Variants in WASF3 observed in about 807,000 individuals in gnomAD.
WASF3 encodes the protein WASP family member 3, also known as actin-binding protein WASF3.
WASF3 carries 11 observed loss-of-function variants against 46.6 expected under a neutral mutation model. That is an observed-to-expected ratio of 0.24 (90% confidence interval 0.15 to 0.39). WASF3 has a LOEUF of 0.39. WASF3 is among the 10% of genes least tolerant of loss of function. WASF3 has a pLI of 1.00. For synonymous variants in WASF3, 242 were observed against 259.7 expected, an observed-to-expected ratio of 0.93 and a Z score of 0.65; for missense variants, 576 against 669.8, an observed-to-expected ratio of 0.86 and a Z score of 1.55.
chr13:26,594,703 C>G (rs755802465), intron 1 of WASF3, among the ~76,000 whole-genome samples: 9 of 152,146 alleles, frequency 5.9e-5, no homozygotes, highest in Non-Finnish European at 1.2e-4. Flanking sequence ...CTTGTAGATC[C>G]TCCTTATTTA....
chr13:26,553,809 T>TC (rs1879020953), upstream of WASF3, among the ~76,000 whole-genome samples: 1 of 128,316 alleles, frequency 7.8e-6, no homozygotes, highest in Admixed American at 7.6e-5. Context: ...AGAGCGAGAC[T>TC]CCATCTCAAA....
chr13:26,650,258 C>T (rs1264663379), intron 3 of WASF3, among the ~76,000 whole-genome samples: 2 of 152,122 alleles, frequency 1.3e-5, no homozygotes, highest in East Asian at 3.9e-4. Flanking sequence ...CCCAGGGCCC[C>T]AGGCTCACTA....
At chr13:26,668,472 C>T (rs1255311684) in intron 5 of WASF3, among the ~76,000 whole-genome samples, 6 of 152,224 alleles carry the variant, frequency 3.9e-5, no homozygotes, top group Admixed American at 3.3e-4. Flanking sequence ...CTCACAGCCC[C>T]GGGCCAGCTC....
At chr13:26,677,654 G>A (rs902073292) in intron 7 of WASF3, among the ~76,000 whole-genome samples, 1 of 152,136 alleles carries the variant, frequency 6.6e-6, no homozygotes, top group Non-Finnish European at 1.5e-5. Flanking sequence ...GCAAGTTCTG[G>A]TAATTTTTCT....
At chr13:26,589,718 A>G (rs2137181336) in intron 1 of WASF3, among the ~76,000 whole-genome samples, 1 of 152,358 alleles carries the variant, frequency 6.6e-6, no homozygotes, top group Non-Finnish European at 1.5e-5. Flanking sequence ...AATAAAATAA[A>G]AGATAATGCT....
intron 1 of WASF3, among the ~76,000 whole-genome samples, chr13:26,589,293 C>G (rs915775549): frequency 6.6e-6 from 1 of 152,142 alleles, no homozygotes; most frequent in Admixed American, 6.5e-5. Flanking sequence ...AAAAATGGTT[C>G]CTCTCAGAAC....
chr13:26,544,861 G>A, the WASF3 span, among the ~76,000 whole-genome samples: 3 of 152,358 alleles, frequency 2.0e-5, no homozygotes, highest in Non-Finnish European at 2.9e-5. Context: ...AAAGCTACAC[G>A]TGCTCTGCCT....
the WASF3 span, among the ~76,000 whole-genome samples, chr13:26,545,616 T>G: frequency 6.6e-6 from 1 of 152,194 alleles, no homozygotes; most frequent in Non-Finnish European, 1.5e-5. Context: ...ATGTATTTAA[T>G]TTTTTTAGAG....
intron 3 of WASF3, among the ~76,000 whole-genome samples, chr13:26,653,574 G>A (rs888385630): frequency 6.6e-6 from 1 of 152,240 alleles, no homozygotes; most frequent in African/African-American, 2.4e-5. Flanking sequence ...ACAGATAACT[G>A]TCTCCTCTGG....
At chr13:26,667,231 T>G (rs899731200) in intron 4 of WASF3, among the ~76,000 whole-genome samples, 1 of 152,172 alleles carries the variant, frequency 6.6e-6, no homozygotes, top group Non-Finnish European at 1.5e-5. Flanking sequence ...CCTATGTGAT[T>G]TCTGAGAAAT....
chr13:26,645,076 C>T (rs686457), intron 3 of WASF3, among the ~76,000 whole-genome samples: 128,296 of 152,162 alleles, frequency 0.84, 54,125 homozygotes, highest in East Asian at 0.9. Context: ...ACGAAGATAA[C>T]TGAGTGCAAT....
intron 1 of WASF3, among the ~76,000 whole-genome samples, chr13:26,575,897 T>A (rs1879782913): frequency 6.6e-6 from 1 of 152,190 alleles, no homozygotes; most frequent in Non-Finnish European, 1.5e-5. Flanking sequence ...TCTAATAGTT[T>A]ACTAGGTTAC....
intron 3 of WASF3, among the ~76,000 whole-genome samples, chr13:26,643,337 G>A (rs915284420): frequency 1.3e-5 from 2 of 151,964 alleles, no homozygotes; most frequent in African/African-American, 4.8e-5. Flanking sequence ...CAAGCGAAGG[G>A]CAAATTTTTT....
intron 7 of WASF3, chr13:26,680,307 C>A: frequency 7.6e-7 from 1 of 1,315,194 alleles, no homozygotes; most frequent in Non-Finnish European, 1.0e-6. Flanking sequence ...GTAACCTGAG[C>A]CAGGAGCGTG....
At chr13:26,592,844 G>A (rs530251134) in intron 1 of WASF3, among the ~76,000 whole-genome samples, 15 of 152,054 alleles carry the variant, frequency 9.9e-5, no homozygotes, top group African/African-American at 1.4e-4. Flanking sequence ...CTGTGTATGC[G>A]TGTGCCTGTC....
chr13:26,640,064 G>A (rs577252115), intron 2 of WASF3, among the ~76,000 whole-genome samples: 7 of 152,152 alleles, frequency 4.6e-5, no homozygotes, highest in Non-Finnish European at 7.4e-5. Context: ...GTGGGCTCTG[G>A]ATTGGTTGGT....
chr13:26,628,617 T>C (rs1237066939), intron 2 of WASF3, among the ~76,000 whole-genome samples: 3 of 152,214 alleles, frequency 2.0e-5, no homozygotes, highest in African/African-American at 7.2e-5. Flanking sequence ...TGGAGTCAGT[T>C]TCCTCTGCCA....
chr13:26,667,404 A>T, intron 4 of WASF3, 113 bp from the exon 5 acceptor site: 1 of 916,262 alleles, frequency 1.1e-6, no homozygotes, highest in South Asian at 2.3e-5. Flanking sequence ...ACAATAAAAA[A>T]TATTATTTGG....
At chr13:26,590,557 G>A (rs771420575) in intron 1 of WASF3, among the ~76,000 whole-genome samples, 2 of 152,190 alleles carry the variant, frequency 1.3e-5, no homozygotes, top group Non-Finnish European at 2.9e-5. Flanking sequence ...TGGGATTTAA[G>A]CCCAGGCAGA....
Sources: allele counts gnomAD v4.1 joint callset (sites outside exome capture counted in the v4.1 genomes callset), GRCh38; gene constraint gnomAD v4.1.1; transcripts MANE v1.5; gene names NCBI Gene and HGNC (gene_info 2026-07-23, HGNC 2026-07-21).